RNF4: variants seen among roughly 807,000 people sequenced by gnomAD.
The protein encoded by RNF4 is E3 ubiquitin-protein ligase RNF4.
In RNF4, 7 loss-of-function variants were observed where a neutral mutation model predicts 24.3. The observed-to-expected ratio is 0.29, with a 90% CI of 0.16 to 0.54. The LOEUF is 0.54. Among genes scored for constraint, RNF4 ranks in the 20% least tolerant of loss-of-function variants. RNF4 has a pLI of 0.95. For synonymous variants in RNF4, 83 were observed against 84.3 expected (o/e 0.98, Z 0.09); for missense variants, 209 against 248.5 (o/e 0.84, Z 1.07).
chr4:2,492,449 A>T (rs931168979), intron 2 of RNF4, among the ~76,000 whole-genome samples: 3 of 152,138 alleles, frequency 2.0e-5, no homozygotes, highest in African/African-American at 7.2e-5. Context: ...TTTATTCTCT[A>T]CTGACAGAGT....
At chr4:2,499,998 TACAA>T (rs1214929693) in intron 3 of RNF4, among the ~76,000 whole-genome samples, 1 of 151,788 alleles carries the variant, frequency 6.6e-6, no homozygotes, top group Non-Finnish European at 1.5e-5. Flanking sequence ...CTACTAAAAA[TACAA>T]ACAAAATTAG....
intron 2 of RNF4, 111 bp downstream of exon 2, chr4:2,490,613 C>A: frequency 8.5e-7 from 1 of 1,176,956 alleles, no homozygotes; most frequent in East Asian, 2.5e-5. Context: ...TAAGTAACCC[C>A]ACTTCTTGAA....
intron 1 of RNF4, among the ~76,000 whole-genome samples, chr4:2,489,297 C>T (rs538458864): frequency 6.6e-6 from 1 of 152,246 alleles, no homozygotes; most frequent in African/African-American, 2.4e-5. Flanking sequence ...GACAGGAGAC[C>T]CAGCATGAGC....
intron 4 of RNF4, chr4:2,506,429 G>A (rs1162136755): frequency 6.6e-6 from 1 of 152,086 alleles, no homozygotes; most frequent in African/African-American, 2.4e-5. Flanking sequence ...TGATATACCT[G>A]ACTCAGCCTC....
At chr4:2,471,784 C>T (rs764117435) in intron 1 of RNF4, among the ~76,000 whole-genome samples, 8 of 152,120 alleles carry the variant, frequency 5.3e-5, no homozygotes, top group Non-Finnish European at 8.8e-5. Flanking sequence ...TAATCCGGAG[C>T]AAGGTACTAA....
At position 2,515,294 on chromosome 4, in the gene RNF4, C is replaced by G. The variant is rs1488659167; in HGVS notation, c.*1475C>G. ...ACGGGGCTGAAGGAGTGTCCCTCCT[C>G]TATGTGAAAAGAAAATTGTTTTATT... is the stretch of plus-strand genomic sequence containing the variant. On this transcript the variant is annotated 3_prime_UTR_variant, in exon 8 of 8. Transcript: ENST00000314289. The G allele has an allele frequency of 6.6e-6, 1 of 152,642 alleles. No individual in the cohort carries two copies. The highest frequency in any genetic ancestry group is 2.4e-5 in the African/African-American group (1 of 41,462). 9.5% of individuals were successfully genotyped at this position (152,642 alleles called of 1,614,324 possible). A position where few individuals can be genotyped will look rare whatever the true frequency, so the allele number is the denominator to read the frequency against.
At chr4:2,474,886 G>GCCC (rs1405056378) in intron 1 of RNF4, among the ~76,000 whole-genome samples, 1 of 152,136 alleles carries the variant, frequency 6.6e-6, no homozygotes, top group Non-Finnish European at 1.5e-5. Context: ...AATTAGCTGG[G>GCCC]CGTGGTGGGG....
rs1334812705 is a variant in RNF4, at chr4:2,515,857, A to G, written c.*2038A>G. The stretch of plus-strand genomic sequence containing the variant: ...AAATAAAACCATTAATTTGAACCAA[A>G]TATCTTTTACACATTCATTTGCTCT... On this transcript the variant is annotated 3_prime_UTR_variant, in exon 8 of 8. Transcript: ENST00000314289. 6.6e-6 allele frequency: 1 copy of G among 152,590 alleles called. No homozygotes were observed. The highest frequency in any genetic ancestry group is 1.5e-5 in the Non-Finnish European group (1 of 68,036). 9.5% of individuals were successfully genotyped at this position (152,590 alleles called of 1,614,324 possible).
At chr4:2,502,452 G>A (rs182692071) in intron 4 of RNF4, among the ~76,000 whole-genome samples, 5 of 152,224 alleles carry the variant, frequency 3.3e-5, no homozygotes, top group Admixed American at 6.5e-5. Context: ...TTGGGAGGCC[G>A]AGGTGGGCGG....
intron 3 of RNF4, among the ~76,000 whole-genome samples, chr4:2,500,423 C>A (rs950632417): frequency 6.6e-5 from 10 of 152,122 alleles, no homozygotes; most frequent in Non-Finnish European, 8.8e-5. Flanking sequence ...ATACATAACC[C>A]CCCAGGTACA....
intron 2 of RNF4, among the ~76,000 whole-genome samples, chr4:2,496,339 A>C (rs1035948975): frequency 7.9e-5 from 12 of 152,210 alleles, no homozygotes; most frequent in Non-Finnish European, 1.0e-4. Context: ...CAAGGAAGAG[A>C]AATTGATAAC....
chr4:2,503,590 G>T (rs976844026), intron 4 of RNF4, among the ~76,000 whole-genome samples: 7 of 152,110 alleles, frequency 4.6e-5, no homozygotes, highest in African/African-American at 1.2e-4. Flanking sequence ...ACTTATTTTT[G>T]ATTTTAATAA....
chr4:2,493,206 G>A (rs1274261116), intron 2 of RNF4, among the ~76,000 whole-genome samples: 1 of 152,088 alleles, frequency 6.6e-6, no homozygotes, highest in Non-Finnish European at 1.5e-5. Flanking sequence ...ACATTTGAGT[G>A]GGTTCTGGAA....
intron 4 of RNF4, among the ~76,000 whole-genome samples, chr4:2,507,007 T>C (rs1400306323): frequency 1.1e-4 from 17 of 152,324 alleles, no homozygotes; most frequent in Admixed American, 1.1e-3. Context: ...AAATGTTACT[T>C]AGGCTGTTTT....
chr4:2,488,282 G>T (rs914184507), intron 1 of RNF4, among the ~76,000 whole-genome samples: 1 of 152,192 alleles, frequency 6.6e-6, no homozygotes, highest in Non-Finnish European at 1.5e-5. Flanking sequence ...GGCCAACCTG[G>T]TGGAAACCCC....
chr4:2,496,519 G>A (rs1020540187), intron 2 of RNF4, among the ~76,000 whole-genome samples: 5 of 152,144 alleles, frequency 3.3e-5, no homozygotes, highest in Non-Finnish European at 5.9e-5. Context: ...AGAGTACAGT[G>A]ACGCGATCTC....
intron 1 of RNF4, among the ~76,000 whole-genome samples, chr4:2,479,307 G>T (rs917382436): frequency 3.9e-5 from 6 of 152,200 alleles, no homozygotes; most frequent in Non-Finnish European, 7.3e-5. Context: ...ATGCTGAAAT[G>T]AGTTAAGACT....
intron 1 of RNF4, among the ~76,000 whole-genome samples, chr4:2,476,701 TTTC>T (rs1429965324): frequency 7.1e-6 from 1 of 140,894 alleles, no homozygotes; most frequent in Non-Finnish European, 1.5e-5. Context: ...CTTTTCTTTC[TTTC>T]TTTTTTTTTT....
intron 1 of RNF4, chr4:2,481,041 T>C (rs1364206204): frequency 6.6e-6 from 1 of 152,190 alleles, no homozygotes; most frequent in Non-Finnish European, 1.5e-5. Context: ...CCATGTAATA[T>C]ACACACCTTC....
Sources: allele counts gnomAD v4.1 joint callset (sites outside exome capture counted in the v4.1 genomes callset), GRCh38; gene constraint gnomAD v4.1.1; transcripts MANE v1.5; gene names NCBI Gene and HGNC (gene_info 2026-07-23, HGNC 2026-07-21).